The following IL1RAPL1 variants were observed in gnomAD, a reference collection of about 807,000 sequenced individuals.
IL1RAPL1 encodes the protein interleukin 1 receptor accessory protein like 1.
IL1RAPL1 carries 3 observed loss-of-function variants against 48.4 expected under a neutral mutation model. The ratio of observed to expected loss-of-function variants is 0.06; its 90% CI spans 0.03 to 0.16. The LOEUF (loss-of-function observed/expected upper bound fraction) is 0.16, where lower values mean the gene tolerates loss of function less well. Ranked by LOEUF, IL1RAPL1 falls within the 10% of genes least tolerant of loss-of-function variation. The pLI, the probability that IL1RAPL1 is intolerant of heterozygous loss-of-function variation, is 1.00. For missense variants in IL1RAPL1, 349 were observed against 530.6 expected (o/e 0.66, Z 3.36); for synonymous variants, 185 against 187.7 (o/e 0.99, Z 0.12).
At chrX:29,181,855 A>T (rs1930149802) in intron 2 of IL1RAPL1, among the ~76,000 whole-genome samples, 1 of 112,343 alleles carries the variant, frequency 8.9e-6, no homozygotes, top group Non-Finnish European at 1.9e-5. Flanking sequence ...CAATTCATCT[A>T]GACTCATAAG....
intron 2 of IL1RAPL1, among the ~76,000 whole-genome samples, chrX:29,039,268 T>C (rs983748825): frequency 9.0e-6 from 1 of 111,433 alleles, no homozygotes; most frequent in African/African-American, 3.3e-5. Context: ...TGGCCTTTAA[T>C]CCAGCAAGTC....
At chrX:29,822,132 C>T (rs1293476750) in intron 6 of IL1RAPL1, among the ~76,000 whole-genome samples, 1 of 111,371 alleles carries the variant, frequency 9.0e-6, no homozygotes, top group African/African-American at 3.3e-5. Context: ...GATACTTAAT[C>T]TAGTTTTTTT....
chrX:28,668,316 T>C (rs1444975665), intron 1 of IL1RAPL1, among the ~76,000 whole-genome samples: 2 of 111,479 alleles, frequency 1.8e-5, no homozygotes, highest in Non-Finnish European at 3.8e-5. Context: ...TGGAGTGCAA[T>C]GGCGTGATGT....
At chrX:29,781,069 A>G (rs1390091060) in intron 6 of IL1RAPL1, among the ~76,000 whole-genome samples, 4 of 111,704 alleles carry the variant, frequency 3.6e-5, no homozygotes, top group Non-Finnish European at 7.5e-5. Flanking sequence ...TAAGTTTTCA[A>G]GAAGGCCAAG....
chrX:28,892,623 A>T (rs1360711737), intron 2 of IL1RAPL1, among the ~76,000 whole-genome samples: 3 of 110,509 alleles, frequency 2.7e-5, no homozygotes, highest in Admixed American at 9.7e-5. Context: ...ACAGTGTTGA[A>T]GTGTTGGGGC....
chrX:29,663,716 T>G (rs1458076754), intron 5 of IL1RAPL1, among the ~76,000 whole-genome samples: 1 of 112,177 alleles, frequency 8.9e-6, no homozygotes, highest in African/African-American at 3.2e-5. Flanking sequence ...TGGAAACTAA[T>G]GTGGAAAGTG....
chrX:29,251,724 A>G (rs1056791815), intron 2 of IL1RAPL1, among the ~76,000 whole-genome samples: 1 of 111,293 alleles, frequency 9.0e-6, no homozygotes, highest in Non-Finnish European at 1.9e-5. Context: ...AGGGGCAACA[A>G]ACAGTGATGT....
intron 6 of IL1RAPL1, among the ~76,000 whole-genome samples, chrX:29,884,480 C>T (rs1350812556): frequency 9.0e-6 from 1 of 110,741 alleles, no homozygotes; most frequent in Non-Finnish European, 1.9e-5. Context: ...CTCTTTTTTG[C>T]TGGTTAGTCC....
chrX:29,194,688 C>T (rs1176023935), intron 2 of IL1RAPL1, among the ~76,000 whole-genome samples: 2 of 111,963 alleles, frequency 1.8e-5, no homozygotes, highest in African/African-American at 6.5e-5. Context: ...GAAGGAATTA[C>T]TTGGGTATGA....
At chrX:29,357,978 G>T in intron 3 of IL1RAPL1, among the ~76,000 whole-genome samples, 1 of 111,462 alleles carries the variant, frequency 9.0e-6, no homozygotes, top group Admixed American at 9.6e-5. Context: ...TGTCTGTTCA[G>T]ATTCTTGTGA....
At chrX:29,692,636 C>CT (rs910086730) in intron 6 of IL1RAPL1, among the ~76,000 whole-genome samples, 23 of 112,210 alleles carry the variant, frequency 2.0e-4, no homozygotes, top group African/African-American at 6.8e-4. Flanking sequence ...ATTCTGAAAA[C>CT]ATTGAAGTTA....
intron 9 of IL1RAPL1, among the ~76,000 whole-genome samples, chrX:29,947,755 T>G (rs866159151): frequency 2.3e-4 from 24 of 106,643 alleles, no homozygotes; most frequent in African/African-American, 7.8e-4. Context: ...TTTTGGTGTT[T>G]TTTTTTTTTT....
intron 6 of IL1RAPL1, among the ~76,000 whole-genome samples, chrX:29,810,379 C>T (rs184270249): frequency 0.011 from 1,183 of 109,543 alleles, 12 homozygotes; most frequent in African/African-American, 0.037. Context: ...TTAGTAGAGA[C>T]GGGGTTTCAC....
chrX:29,183,381 A>C (rs745895370), intron 2 of IL1RAPL1, among the ~76,000 whole-genome samples: 1 of 111,348 alleles, frequency 9.0e-6, no homozygotes, highest in Non-Finnish European at 1.9e-5. Context: ...CCACCATTTG[A>C]TTGTTCAAAC....
chrX:29,445,835 A>T (rs1420931893), intron 5 of IL1RAPL1, among the ~76,000 whole-genome samples: 1 of 111,933 alleles, frequency 8.9e-6, no homozygotes, highest in Non-Finnish European at 1.9e-5. Context: ...GAAGGTTTTG[A>T]GTTCTGAGTT....
intron 2 of IL1RAPL1, among the ~76,000 whole-genome samples, chrX:29,141,316 G>A (rs903439802): frequency 4.5e-5 from 5 of 111,054 alleles, no homozygotes; most frequent in African/African-American, 6.5e-5. Context: ...CTTAACAGAA[G>A]CAATCACAGG....
chrX:29,479,871 G>A (rs1217734420), intron 5 of IL1RAPL1, among the ~76,000 whole-genome samples: 1 of 111,688 alleles, frequency 9.0e-6, no homozygotes, highest in African/African-American at 3.3e-5. Flanking sequence ...TGGCTAAGTA[G>A]TATTCCATGG....
chrX:28,815,814 C>A (rs67466082), intron 2 of IL1RAPL1, among the ~76,000 whole-genome samples: 3,699 of 63,297 alleles, frequency 0.058, 237 homozygotes, highest in East Asian at 0.3. Flanking sequence ...GAATATTAAT[C>A]TATTGTGTAT....
At chrX:29,802,780 T>C (rs1158396957) in intron 6 of IL1RAPL1, among the ~76,000 whole-genome samples, 11 of 21,399 alleles carry the variant, frequency 5.1e-4, no homozygotes, top group Admixed American at 9.7e-4. Context: ...TATATATATA[T>C]ATGTGTGTGT....
Sources: gnomAD v4.1 joint callset for allele counts (sites outside exome capture counted in the v4.1 genomes callset) on GRCh38, gnomAD v4.1.1 for gene constraint, MANE v1.5 for transcripts, NCBI Gene and HGNC (gene_info 2026-07-23, HGNC 2026-07-21) for gene names.